Variants in RPTOR observed in about 807,000 individuals in gnomAD.
RPTOR encodes the protein regulatory associated protein of MTOR complex 1.
RPTOR carries 21 observed loss-of-function variants against 169.9 expected under a neutral mutation model. The observed-to-expected ratio is 0.12, with a 90% CI of 0.09 to 0.18. The LOEUF is 0.18. Ranked by LOEUF, RPTOR falls within the 10% of genes least tolerant of loss-of-function variation. The pLI, the probability that RPTOR is intolerant of heterozygous loss-of-function variation, is 1.00. For synonymous variants in RPTOR, 732 were observed against 753.2 expected, an observed-to-expected ratio of 0.97 and a Z score of 0.46; for missense variants, 1,133 against 1,855.9, an observed-to-expected ratio of 0.61 and a Z score of 7.16.
chr17:80,886,979 G>C (rs868572976), intron 17 of RPTOR, among the ~76,000 whole-genome samples: 1 of 152,198 alleles, frequency 6.6e-6, no homozygotes, highest in Admixed American at 6.5e-5. Context: ...GGCTGTGCCT[G>C]TGCCTGCATC....
intron 20 of RPTOR, among the ~76,000 whole-genome samples, chr17:80,904,653 C>G (rs1421033554): frequency 2.6e-5 from 4 of 152,094 alleles, no homozygotes; most frequent in Non-Finnish European, 5.9e-5. Flanking sequence ...ATCCCCGGTC[C>G]CTGACTCCCT....
At chr17:80,597,687 T>C (rs1038244038) in intron 1 of RPTOR, among the ~76,000 whole-genome samples, 3 of 150,798 alleles carry the variant, frequency 2.0e-5, no homozygotes, top group African/African-American at 7.5e-5. Context: ...ATTTTTTGTT[T>C]ATTTTTTGTA....
rs748249534 is a variant in RPTOR at position 80,957,779 on chromosome 17, G to A, written c.3477+49G>A. The A allele has an allele frequency of 1.3e-6, 2 of 1,537,950 alleles. No individual in the cohort carries two copies. The highest frequency in any genetic ancestry group is 1.8e-6 in the Non-Finnish European group (2 of 1,111,784). On this transcript the variant is annotated intron_variant, in intron 29 of 33. Coordinates refer to ENST00000306801, the MANE Select transcript of RPTOR (RefSeq NM_020761.3). The surrounding 1 kb of genome is among the most constrained non-coding windows in gnomAD (Gnocchi z 4.6). The stretch of plus-strand genomic sequence containing the variant: ...GCCCTGGGCCTGTGGGGCAGTGTGT[G>A]CAGGGCTGGTCCTCGTCACAGAACC...
intron 9 of RPTOR, among the ~76,000 whole-genome samples, chr17:80,825,770 G>A (rs1369136099): frequency 6.6e-6 from 1 of 152,240 alleles, no homozygotes; most frequent in African/African-American, 2.4e-5. Flanking sequence ...GTGTGTCAGA[G>A]GCTCCGCTTG....
chr17:80,924,881 C>T (rs1339669441), intron 23 of RPTOR, among the ~76,000 whole-genome samples: 2 of 152,250 alleles, frequency 1.3e-5, no homozygotes, highest in African/African-American at 2.4e-5. Flanking sequence ...TCCTCCTCAG[C>T]TCCACATCCT....
In RPTOR at chr17:80,823,402, G is replaced by A; in HGVS notation, c.1136+179G>A. 1 of 763,750 alleles carries A rather than the reference G, an allele frequency of 1.3e-6. No homozygotes were observed. Among genetic ancestry groups the A allele is most frequent in the Non-Finnish European group, 2.0e-6 (1 of 499,742 alleles). 47.3% of individuals were successfully genotyped at this position (763,750 alleles called of 1,614,324 possible). ...GAGATCTCCACACAGAGGAGTGGGG[G>A]TCTCCTTCAGAGGGCAGAAGCCTTG... On this transcript the variant is annotated intron_variant, in intron 9 of 33. Coordinates refer to ENST00000306801, the MANE Select transcript of RPTOR (RefSeq NM_020761.3). This position sits in a 1 kb window ranked among gnomAD's most constrained non-coding sequence, Gnocchi z 4.5.
chr17:80,910,591 C>T (rs554918986), intron 21 of RPTOR, among the ~76,000 whole-genome samples: 3 of 152,178 alleles, frequency 2.0e-5, no homozygotes, highest in South Asian at 2.1e-4. Flanking sequence ...TCTGCAGGGT[C>T]GAGGAGCCAC....
chr17:80,621,891 C>G (rs568275953), intron 1 of RPTOR, among the ~76,000 whole-genome samples: 1 of 152,210 alleles, frequency 6.6e-6, no homozygotes, highest in Admixed American at 6.5e-5. Flanking sequence ...TGTGGATAAA[C>G]GGGGAGAAAG....
At chr17:80,904,796 T>C (rs532582346) in intron 20 of RPTOR, among the ~76,000 whole-genome samples, 1 of 152,280 alleles carries the variant, frequency 6.6e-6, no homozygotes, top group Admixed American at 6.5e-5. Context: ...TGAGAGAAGA[T>C]TGTGGCCAAA....
At chr17:80,764,509 G>T (rs1010633039) in intron 6 of RPTOR, among the ~76,000 whole-genome samples, 1 of 151,584 alleles carries the variant, frequency 6.6e-6, no homozygotes, top group Non-Finnish European at 1.5e-5. Context: ...TTTTATGGCC[G>T]CATAGTATTC....
chr17:80,811,645 A>G (rs1237795974), intron 7 of RPTOR, among the ~76,000 whole-genome samples: 1 of 149,510 alleles, frequency 6.7e-6, no homozygotes, highest in Non-Finnish European at 1.5e-5. Flanking sequence ...CCTCTCCAAC[A>G]AGGCCTCAAC....
intron 1 of RPTOR, among the ~76,000 whole-genome samples, chr17:80,552,911 C>T (rs977222034): frequency 1.3e-5 from 2 of 152,200 alleles, no homozygotes; most frequent in Non-Finnish European, 2.9e-5. Flanking sequence ...AGCAGACCAA[C>T]ATTCAGCAGA....
At chr17:80,713,223 C>T (rs1264235056) in intron 4 of RPTOR, among the ~76,000 whole-genome samples, 2 of 152,184 alleles carry the variant, frequency 1.3e-5, no homozygotes, top group Admixed American at 6.5e-5. Context: ...CACCCGCCTC[C>T]ACGCCCGGCT....
rs2066381595 is a variant in RPTOR, at chr17:80,730,500, C to T, written c.508-60C>T. ...GTGCCTTTTGTAACGGTGCAGTACT[C>T]ACCAGCAGCCCATATTCCTGAGACG... On this transcript the variant is annotated intron_variant, in intron 4 of 33. Coordinates refer to ENST00000306801, the MANE Select transcript of RPTOR (RefSeq NM_020761.3). This position sits in a 1 kb window ranked among gnomAD's most constrained non-coding sequence, Gnocchi z 4.2. The T allele has an allele frequency of 6.3e-7, 1 of 1,587,896 alleles. No individual in the cohort carries two copies. Among genetic ancestry groups the T allele is most frequent in the African/African-American group, 1.3e-5 (1 of 74,658 alleles).
At chr17:80,706,719 G>A (rs541329714) in intron 3 of RPTOR, among the ~76,000 whole-genome samples, 9 of 152,158 alleles carry the variant, frequency 5.9e-5, no homozygotes, top group African/African-American at 4.8e-5. Flanking sequence ...CTGGCCCTTC[G>A]TCCCTGTTTG....
intron 28 of RPTOR, 41 bp downstream of exon 28, chr17:80,949,588 C>T (rs1439555240): frequency 9.1e-6 from 14 of 1,533,916 alleles, no homozygotes; most frequent in Admixed American, 1.7e-5. Flanking sequence ...AATGTGTTCC[C>T]GGGGCTGCGG....
At position 80,844,508 on chromosome 17, in the gene RPTOR, G is replaced by A. The variant is rs537601565; in HGVS notation, c.1213-1965G>A. ...GGATGTGGAGGAGGGGGTACTTAAC[G>A]AGATTTTTTTTTAACCAATTTATGA... On this transcript the variant is annotated intron_variant, in intron 10 of 33. Transcript: ENST00000306801. The surrounding 1 kb of genome is among the most constrained non-coding windows in gnomAD (Gnocchi z 4.7). Among the ~76,000 whole-genome samples the A allele has an allele frequency of 3.9e-5, 6 of 152,270 alleles. No homozygotes were observed. Among genetic ancestry groups the A allele is most frequent in the African/African-American group, 1.4e-4 (6 of 41,544 alleles).
At chr17:80,547,024 G>A (rs914422401) in intron 1 of RPTOR, among the ~76,000 whole-genome samples, 11 of 152,110 alleles carry the variant, frequency 7.2e-5, no homozygotes, top group Non-Finnish European at 1.0e-4. Flanking sequence ...AGCCGAAATC[G>A]CACCATTGCA....
intron 5 of RPTOR, among the ~76,000 whole-genome samples, chr17:80,742,856 A>C (rs901346645): frequency 6.6e-6 from 1 of 152,022 alleles, no homozygotes; most frequent in Non-Finnish European, 1.5e-5. Flanking sequence ...ACACATATAC[A>C]TGTGCACACA....
Sources: allele counts gnomAD v4.1 joint callset (sites outside exome capture counted in the v4.1 genomes callset), GRCh38; gene constraint gnomAD v4.1.1; non-coding constraint Gnocchi (gnomAD v3.1); transcripts MANE v1.5; gene names NCBI Gene and HGNC (gene_info 2026-07-23, HGNC 2026-07-21).